Variants in TBC1D1 observed in about 807,000 individuals in gnomAD.
TBC1D1 encodes the protein TBC1 (tre-2/USP6, BUB2, cdc16) domain family, member 1.
TBC1D1 carries 89 observed loss-of-function variants against 125.6 expected under a neutral mutation model. That is an observed-to-expected ratio of 0.71 (90% CI 0.60 to 0.85). The LOEUF is 0.85. TBC1D1 is among the 40% of genes least tolerant of loss of function. The pLI is 0.00. For missense variants in TBC1D1, 1,377 were observed against 1,469.2 expected (o/e 0.94, Z 1.03); for synonymous variants, 565 against 564.1 (o/e 1.00, Z -0.02).
At chr4:37,912,438 T>G (rs1718821330) in intron 2 of TBC1D1, among the ~76,000 whole-genome samples, 1 of 152,154 alleles carries the variant, frequency 6.6e-6, no homozygotes, top group Non-Finnish European at 1.5e-5. Context: ...GTTTTACAAC[T>G]TGCATGGTCA....
chr4:38,020,666 T>G lies in TBC1D1; in HGVS notation c.1048T>G (p.Tyr350Asp). 1 of 1,612,842 alleles carries G rather than the reference T, an allele frequency of 6.2e-7. No individual in the cohort carries two copies. The highest frequency in any genetic ancestry group is 8.5e-7 in the Non-Finnish European group (1 of 1,179,216). ...AGGTGGCGGCTTTCATTTTGTCTGT[T>G]ACGTGTTTCAGTGCACAAATGAGGC... The change falls in exon 5 of 20, where the codon TAC (tyrosine) becomes GAC (aspartate). Residue 350 changes from tyrosine (Y) to aspartate (D), a missense_variant. Coordinates refer to ENST00000261439, the MANE Select transcript of TBC1D1 (RefSeq NM_015173.4).
chr4:38,052,155 G>C, intron 11 of TBC1D1, 95 bp downstream of exon 12: 1 of 1,258,792 alleles, frequency 7.9e-7, no homozygotes, highest in Non-Finnish European at 1.1e-6. Flanking sequence ...GTCCATGCAG[G>C]AAGCAGAGCC....
intron 8 of TBC1D1, among the ~76,000 whole-genome samples, chr4:38,039,602 CCTT>C (rs1403118974): frequency 3.3e-5 from 5 of 152,174 alleles, no homozygotes; most frequent in Non-Finnish European, 1.5e-5. Flanking sequence ...TCTCCATTCT[CCTT>C]CTGAGCTGCT....
intron 2 of TBC1D1, among the ~76,000 whole-genome samples, chr4:37,931,827 T>G (rs1288707359): frequency 6.6e-6 from 1 of 152,210 alleles, no homozygotes; most frequent in Non-Finnish European, 1.5e-5. Context: ...CAAGAAGTTT[T>G]GCAAACTCAT....
At chr4:38,076,807 C>A (rs1054999399) in intron 12 of TBC1D1, among the ~76,000 whole-genome samples, 1 of 151,872 alleles carries the variant, frequency 6.6e-6, no homozygotes, top group Non-Finnish European at 1.5e-5. Context: ...GGAAAAAAAA[C>A]CCCAGCCAGC....
chr4:38,001,745 T>C (rs1448958954), intron 2 of TBC1D1, among the ~76,000 whole-genome samples: 1 of 152,262 alleles, frequency 6.6e-6, no homozygotes, highest in Non-Finnish European at 1.5e-5. Flanking sequence ...ATAGTTCTTA[T>C]TATATCGCGA....
At chr4:38,121,691 G>GT (rs1264489735) in intron 17 of TBC1D1, among the ~76,000 whole-genome samples, 1 of 151,770 alleles carries the variant, frequency 6.6e-6, no homozygotes, top group Non-Finnish European at 1.5e-5. Context: ...GAGAGTTATT[G>GT]TTTTTTTGTT....
At chr4:37,979,753 C>T (rs913871159) in intron 2 of TBC1D1, among the ~76,000 whole-genome samples, 4 of 152,200 alleles carry the variant, frequency 2.6e-5, no homozygotes, top group Non-Finnish European at 5.9e-5. Flanking sequence ...GGTTGATTCA[C>T]ATGGATACCT....
intron 3 of TBC1D1, 87 bp from the exon 4 acceptor site, chr4:38,018,267 T>C (rs1005053831): frequency 7.2e-6 from 7 of 977,994 alleles, no homozygotes; most frequent in African/African-American, 5.0e-5. Context: ...CAGAATTTTA[T>C]AGGAGCTTGT....
intron 17 of TBC1D1, among the ~76,000 whole-genome samples, chr4:38,124,356 C>G (rs551111442): frequency 5.6e-4 from 85 of 152,192 alleles, no homozygotes; most frequent in Non-Finnish European, 1.0e-3. Context: ...GCCAGCCACT[C>G]TAAGAACAAA....
intron 14 of TBC1D1, among the ~76,000 whole-genome samples, chr4:38,097,968 C>T (rs569557982): frequency 1.3e-5 from 2 of 152,342 alleles, no homozygotes; most frequent in East Asian, 1.9e-4. Context: ...TGAATAGTGG[C>T]TTAGGGCCAC....
At chr4:37,968,570 A>G (rs1366628841) in intron 2 of TBC1D1, among the ~76,000 whole-genome samples, 1 of 152,264 alleles carries the variant, frequency 6.6e-6, no homozygotes, top group Non-Finnish European at 1.5e-5. Context: ...ACCTGAATTT[A>G]TAAGGTACTC....
intron 12 of TBC1D1, among the ~76,000 whole-genome samples, chr4:38,062,556 A>G (rs1226664897): frequency 6.6e-6 from 1 of 152,034 alleles, no homozygotes; most frequent in African/African-American, 2.4e-5. Context: ...CAAGAATCTG[A>G]TTGTTCATGG....
chr4:38,138,715 A>G lies in TBC1D1; in HGVS notation c.*1380A>G, dbSNP rs1766995603. ...AGGTCACTTCCTTGACAACACAATC[A>G]TTTCTGATCTTTATCACTGTAACCA... On this transcript the variant is annotated 3_prime_UTR_variant, in exon 20 of 20. Transcript: ENST00000261439. 6.6e-6 allele frequency: 1 copy of G among 152,624 alleles called. No individual in the cohort carries two copies. Among genetic ancestry groups the G allele is most frequent in the Non-Finnish European group, 1.5e-5 (1 of 68,038 alleles). The allele number at this position is 152,624 out of a possible 1,614,324, so 9.5% of individuals were successfully genotyped here.
rs1578127227 is a variant in TBC1D1 at position 37,977,835 on chromosome 4, C to T, written c.418-36674C>T. 6.6e-6 allele frequency among the ~76,000 whole-genome samples: 1 copy of T among 152,240 alleles called. No individual in the cohort carries two copies. The highest frequency in any genetic ancestry group is 1.5e-5 in the Non-Finnish European group (1 of 67,990). On this transcript the variant is annotated intron_variant, in intron 2 of 19. Coordinates refer to ENST00000261439, the MANE Select transcript of TBC1D1 (RefSeq NM_015173.4). The surrounding 1 kb of genome is among the most constrained non-coding windows in gnomAD (Gnocchi z 4.3). ...CTCCTCCGGCCCCTGTCGCTCCCCG[C>T]GCCGCGGAGCTGCCGCTCGGTGCCT...
At chr4:37,999,257 A>C (rs56349856) in intron 2 of TBC1D1, among the ~76,000 whole-genome samples, 13,951 of 152,230 alleles carry the variant, frequency 0.092, 1,298 homozygotes, top group East Asian at 0.47. Context: ...CAAAACAAAC[A>C]AAAACAGAAG....
At chr4:37,971,464 TG>T (rs1285630322) in intron 2 of TBC1D1, among the ~76,000 whole-genome samples, 1 of 152,126 alleles carries the variant, frequency 6.6e-6, no homozygotes, top group Non-Finnish European at 1.5e-5. Flanking sequence ...TCAGATCTCA[TG>T]AGACTCATTC....
At chr4:38,067,956 T>C (rs1456325803) in intron 12 of TBC1D1, among the ~76,000 whole-genome samples, 1 of 152,196 alleles carries the variant, frequency 6.6e-6, no homozygotes, top group Non-Finnish European at 1.5e-5. Flanking sequence ...TGTGTCTGCC[T>C]GCCAATACGC....
chr4:38,069,553 T>A (rs988031593), intron 12 of TBC1D1, among the ~76,000 whole-genome samples: 4 of 152,194 alleles, frequency 2.6e-5, no homozygotes, highest in African/African-American at 9.6e-5. Context: ...GGATCTCTCT[T>A]TGAGGCCATG....
Sources: gnomAD v4.1 joint callset for allele counts (sites outside exome capture counted in the v4.1 genomes callset) on GRCh38, gnomAD v4.1.1 for gene constraint, Gnocchi (gnomAD v3.1) non-coding constraint, MANE v1.5 for transcripts, NCBI Gene and HGNC (gene_info 2026-07-23, HGNC 2026-07-21) for gene names.